SLC1A7: variants seen among roughly 807,000 people sequenced by gnomAD.
SLC1A7 encodes the protein solute carrier family 1 member 7, also known as excitatory amino acid transporter 5.
A neutral mutation model predicts 47.7 loss-of-function variants in SLC1A7; 40 were observed. The observed-to-expected ratio is 0.84, with a 90% CI of 0.65 to 1.09. The LOEUF (loss-of-function observed/expected upper bound fraction) is 1.09, where lower values mean the gene tolerates loss of function less well. Ranked by LOEUF, SLC1A7 falls within the 50% of genes least tolerant of loss-of-function variation. The pLI, the probability that SLC1A7 is intolerant of heterozygous loss-of-function variation, is 0.00. For missense variants in SLC1A7, 746 were observed against 769.5 expected, an observed-to-expected ratio of 0.97 and a Z score of 0.36; for synonymous variants, 323 against 325.6, an observed-to-expected ratio of 0.99 and a Z score of 0.09.
chr1:53,103,212 G>A, intron 5 of SLC1A7, 134 bp downstream of exon 5: 1 of 682,688 alleles, frequency 1.5e-6, no homozygotes, highest in Non-Finnish European at 2.4e-6. Context: ...CAGGTGTGGT[G>A]AATATTTCCA....
At chr1:53,116,852 A>G (rs546454709) in intron 2 of SLC1A7, among the ~76,000 whole-genome samples, 6 of 152,216 alleles carry the variant, frequency 3.9e-5, no homozygotes, top group Non-Finnish European at 8.8e-5. Context: ...CCTTTCGCAC[A>G]TGCCCACTCC....
At chr1:53,089,346 C>A (rs1348709083) in intron 9 of SLC1A7, among the ~76,000 whole-genome samples, 2 of 152,192 alleles carry the variant, frequency 1.3e-5, no homozygotes, top group East Asian at 3.9e-4. Flanking sequence ...CTTACTGAAA[C>A]CTCCATCTCC....
At chr1:53,090,097 T>C in intron 8 of SLC1A7, 163 bp from the exon 9 acceptor site, 1 of 698,756 alleles carries the variant, frequency 1.4e-6, no homozygotes, top group Non-Finnish European at 2.5e-6. Flanking sequence ...GTCAAGTCCC[T>C]CCTCACAGTC....
chr1:53,089,375 G>A (rs192543968), intron 9 of SLC1A7, among the ~76,000 whole-genome samples: 1 of 152,108 alleles, frequency 6.6e-6, no homozygotes, highest in East Asian at 1.9e-4. Flanking sequence ...GGTAATTCTC[G>A]TGCCTCAGCC....
intron 1 of SLC1A7, among the ~76,000 whole-genome samples, chr1:53,141,326 T>G (rs1645054494): frequency 6.6e-6 from 1 of 151,996 alleles, no homozygotes; most frequent in African/African-American, 2.4e-5. Flanking sequence ...ACCCCCTCCC[T>G]CTGCTCGCTG....
chr1:53,089,764 C>T (rs1455203560), intron 9 of SLC1A7, 36 bp downstream of exon 9: 2 of 1,610,266 alleles, frequency 1.2e-6, no homozygotes, highest in East Asian at 2.2e-5. Flanking sequence ...GTCAGCCCCT[C>T]CCAGAGGGCT....
chr1:53,091,052 A>G, intron 7 of SLC1A7: 1 of 1,149,352 alleles, frequency 8.7e-7, no homozygotes, highest in Middle Eastern at 2.2e-4. Flanking sequence ...GGGCTGACCC[A>G]TGTCACACTG....
chr1:53,119,552 A>T (rs149566564), intron 2 of SLC1A7, among the ~76,000 whole-genome samples: 24 of 152,078 alleles, frequency 1.6e-4, no homozygotes, highest in Non-Finnish European at 3.5e-4. Context: ...GGGTATCTTG[A>T]TGATGCCCAA....
intron 3 of SLC1A7, among the ~76,000 whole-genome samples, chr1:53,106,581 C>A (rs1644644512): frequency 7.4e-6 from 1 of 135,848 alleles, no homozygotes; most frequent in Admixed American, 7.6e-5. Flanking sequence ...GCCTGGGCGG[C>A]AGAGCAAGAC....
At chr1:53,112,257 C>A (rs983331380) in intron 3 of SLC1A7, among the ~76,000 whole-genome samples, 2 of 152,224 alleles carry the variant, frequency 1.3e-5, no homozygotes, top group African/African-American at 4.8e-5. Context: ...CTGTCGCCAC[C>A]ATGAAACAAA....
intron 2 of SLC1A7, among the ~76,000 whole-genome samples, chr1:53,118,226 T>A (rs1177751511): frequency 1.3e-5 from 2 of 152,230 alleles, no homozygotes; most frequent in Non-Finnish European, 2.9e-5. Context: ...CTGTTAAAGG[T>A]GACTTTTCTG....
chr1:53,132,779 G>A (rs1177615315), intron 2 of SLC1A7, among the ~76,000 whole-genome samples: 2 of 152,184 alleles, frequency 1.3e-5, no homozygotes, highest in Non-Finnish European at 2.9e-5. Flanking sequence ...CCAGGAAGCC[G>A]AGGCTGCAGT....
At chr1:53,128,102 G>T (rs1458767075) in intron 2 of SLC1A7, among the ~76,000 whole-genome samples, 1 of 152,240 alleles carries the variant, frequency 6.6e-6, no homozygotes, top group East Asian at 1.9e-4. Context: ...TTGAAGCAAG[G>T]AATGCTGGTG....
chr1:53,088,073 T>G lies in SLC1A7; in HGVS notation c.1619A>C (p.Glu540Ala). The change falls in exon 11 of 11, where the codon GAG (glutamate) becomes GCG (alanine). Residue 540 changes from glutamate (E) to alanine (A), a missense_variant. Coordinates refer to ENST00000371494, the MANE Select transcript of SLC1A7 (RefSeq NM_006671.6). ...HVPVQVEQDEELPAASLNHCT... is the reference protein window; with the variant it reads ...HVPVQVEQDEALPAASLNHCT... The stretch of plus-strand genomic sequence containing the variant: ...GTGGTTCAGACTCGCAGCGGGCAGC[T>G]CCTCATCCTGCTCCACTTGAACGGG... 6.2e-7 allele frequency: 1 copy of G among 1,607,482 alleles called. No individual in the cohort carries two copies. The highest frequency in any genetic ancestry group is 8.5e-7 in the Non-Finnish European group (1 of 1,175,904).
intron 9 of SLC1A7, 152 bp from the exon 10 acceptor site, chr1:53,089,131 C>A: frequency 1.5e-6 from 1 of 665,626 alleles, no homozygotes; most frequent in Non-Finnish European, 2.7e-6. Flanking sequence ...CAAGCCCACC[C>A]TTTGGCATCA....
intron 5 of SLC1A7, among the ~76,000 whole-genome samples, chr1:53,102,010 C>T (rs1572314108): frequency 1.3e-5 from 2 of 152,216 alleles, no homozygotes; most frequent in Admixed American, 6.5e-5. Context: ...GCGCAGCGAA[C>T]GCTCAGCGAG....
At chr1:53,117,766 C>T (rs1020020397) in intron 2 of SLC1A7, among the ~76,000 whole-genome samples, 1 of 152,186 alleles carries the variant, frequency 6.6e-6, no homozygotes, top group Non-Finnish European at 1.5e-5. Flanking sequence ...ACGAAGAGGC[C>T]TAACACGGGG....
chr1:53,094,227 G>A (rs1236192773), intron 5 of SLC1A7, among the ~76,000 whole-genome samples: 1 of 152,200 alleles, frequency 6.6e-6, no homozygotes, highest in Non-Finnish European at 1.5e-5. Flanking sequence ...CATGTTAGAC[G>A]CACAGTGGTC....
At chr1:53,103,977 C>T (rs1256007773) in intron 4 of SLC1A7, among the ~76,000 whole-genome samples, 1 of 152,136 alleles carries the variant, frequency 6.6e-6, no homozygotes, top group Non-Finnish European at 1.5e-5. Context: ...AAACTTGGAC[C>T]TTCTTTTTGA....
Sources: allele counts gnomAD v4.1 joint callset (sites outside exome capture counted in the v4.1 genomes callset), GRCh38; gene constraint gnomAD v4.1.1; transcripts MANE v1.5; gene names NCBI Gene and HGNC (gene_info 2026-07-23, HGNC 2026-07-21).